NEGR1: variants seen among roughly 807,000 people sequenced by gnomAD.
The protein encoded by NEGR1 is neuronal growth regulator 1.
A neutral mutation model predicts 40.9 loss-of-function variants in NEGR1; 10 were observed. The ratio of observed to expected loss-of-function variants is 0.24; its 90% CI spans 0.15 to 0.42. NEGR1 has a LOEUF of 0.42. Ranked by LOEUF, NEGR1 falls within the 10% of genes least tolerant of loss-of-function variation. The pLI is 1.00. For synonymous variants in NEGR1, 185 were observed against 166.8 expected (o/e 1.11, Z -0.84); for missense variants, 352 against 438.9 (o/e 0.80, Z 1.77).
chr1:71,540,210 G>T (rs1403037699), intron 6 of NEGR1, among the ~76,000 whole-genome samples: 2 of 151,726 alleles, frequency 1.3e-5, no homozygotes, highest in African/African-American at 2.4e-5. Context: ...AAGAATAAAT[G>T]TCTTAGTTTT....
intron 6 of NEGR1, among the ~76,000 whole-genome samples, chr1:71,491,571 G>A (rs563876424): frequency 1.0e-4 from 12 of 115,816 alleles, no homozygotes; most frequent in African/African-American, 3.5e-4. Flanking sequence ...CCACCTCAGG[G>A]CTTGACTTTT....
At chr1:71,837,820 G>A (rs911742064) in intron 2 of NEGR1, among the ~76,000 whole-genome samples, 3 of 151,976 alleles carry the variant, frequency 2.0e-5, no homozygotes, top group Non-Finnish European at 2.9e-5. Context: ...TCACAATTGG[G>A]TACTCACCTA....
chr1:71,728,725 G>A (rs1016909703), intron 3 of NEGR1, among the ~76,000 whole-genome samples: 3 of 152,062 alleles, frequency 2.0e-5, no homozygotes, highest in Admixed American at 6.6e-5. Flanking sequence ...AGAGTTTTTA[G>A]CACTAAATAA....
chr1:71,929,589 G>A (rs549587450), intron 2 of NEGR1, among the ~76,000 whole-genome samples: 76 of 152,200 alleles, frequency 5.0e-4, no homozygotes, highest in African/African-American at 1.7e-3. Context: ...CTGTAGCTCT[G>A]TAAAATTTTT....
chr1:71,964,191 C>G (rs1456808632), intron 1 of NEGR1, among the ~76,000 whole-genome samples: 1 of 152,142 alleles, frequency 6.6e-6, no homozygotes, highest in African/African-American at 2.4e-5. Context: ...ATCGCCCATG[C>G]CACAGATGCT....
At chr1:71,407,597 C>A in intron 6 of NEGR1, 27 bp from the exon 7 acceptor site, 1 of 1,608,364 alleles carries the variant, frequency 6.2e-7, no homozygotes, top group South Asian at 1.1e-5. Flanking sequence ...AAGATTAAAT[C>A]AAAATCTAAT....
chr1:71,963,893 A>G (rs1646188926), intron 1 of NEGR1, among the ~76,000 whole-genome samples: 1 of 152,154 alleles, frequency 6.6e-6, no homozygotes, highest in Non-Finnish European at 1.5e-5. Flanking sequence ...AATCTGTAAA[A>G]CTATACATTG....
At chr1:71,822,545 A>C (rs1658468682) in intron 2 of NEGR1, among the ~76,000 whole-genome samples, 1 of 151,942 alleles carries the variant, frequency 6.6e-6, no homozygotes, top group Admixed American at 6.6e-5. Context: ...GTTGCTGCTC[A>C]GTGTCCAACT....
intron 1 of NEGR1, among the ~76,000 whole-genome samples, chr1:72,057,135 A>G (rs560905525): frequency 6.6e-6 from 1 of 151,664 alleles, no homozygotes; most frequent in East Asian, 1.9e-4. Context: ...GGCATTATTG[A>G]TGGTTCACAA....
At chr1:71,468,855 T>C (rs1646764086) in intron 6 of NEGR1, 1 of 152,060 alleles carries the variant, frequency 6.6e-6, no homozygotes, top group East Asian at 1.9e-4. Context: ...TTCAGCTATT[T>C]TCTCTTAAGA....
intron 1 of NEGR1, among the ~76,000 whole-genome samples, chr1:71,953,037 T>C (rs1478752831): frequency 2.6e-5 from 4 of 151,784 alleles, no homozygotes; most frequent in Admixed American, 6.6e-5. Context: ...AGAGCTCTTA[T>C]GGAGAATGTA....
chr1:71,633,951 A>C (rs1021638558), intron 4 of NEGR1, among the ~76,000 whole-genome samples: 1 of 152,088 alleles, frequency 6.6e-6, no homozygotes, highest in African/African-American at 2.4e-5. Context: ...TGGACCAAAA[A>C]CCTTGAGACT....
At chr1:71,835,519 A>AT (rs1409387341) in intron 2 of NEGR1, among the ~76,000 whole-genome samples, 1 of 151,966 alleles carries the variant, frequency 6.6e-6, no homozygotes, top group Non-Finnish European at 1.5e-5. Flanking sequence ...TCTCACCTTC[A>AT]TTTTTTGTTT....
chr1:71,809,491 A>G (rs1486368116), intron 2 of NEGR1, among the ~76,000 whole-genome samples: 1 of 152,188 alleles, frequency 6.6e-6, no homozygotes, highest in Admixed American at 6.5e-5. Flanking sequence ...TTGGGGTAAT[A>G]AAAGTAAACC....
intron 4 of NEGR1, among the ~76,000 whole-genome samples, chr1:71,686,101 A>G (rs1333322118): frequency 6.6e-6 from 1 of 152,146 alleles, no homozygotes; most frequent in East Asian, 1.9e-4. Flanking sequence ...TACTTCATAT[A>G]GGAGGAAAGA....
At chr1:71,680,785 T>G (rs1652814041) in intron 4 of NEGR1, among the ~76,000 whole-genome samples, 1 of 152,214 alleles carries the variant, frequency 6.6e-6, no homozygotes, top group African/African-American at 2.4e-5. Context: ...TAGTTAATAT[T>G]TATTAAAGTT....
chr1:71,444,777 C>T (rs936143825), intron 6 of NEGR1, among the ~76,000 whole-genome samples: 7 of 152,022 alleles, frequency 4.6e-5, no homozygotes, highest in Non-Finnish European at 1.0e-4. Flanking sequence ...CAATATATTT[C>T]CATCAACAAG....
Position 71,651,793 on chromosome 1 carries a change from A to T in NEGR1, c.668-40647T>A, listed in dbSNP as rs567203886. Reference sequence around the variant, plus strand: ...AAGCAGCAGCTAATATCAACTAAACACTTACTAGGTGCCAAGTACCTCACT... The same window carrying T: ...AAGCAGCAGCTAATATCAACTAAACTCTTACTAGGTGCCAAGTACCTCACT... On this transcript the variant is annotated intron_variant, in intron 4 of 6. Coordinates refer to ENST00000357731, the MANE Select transcript of NEGR1 (RefSeq NM_173808.3). 3.4e-4 allele frequency among the ~76,000 whole-genome samples: 52 copies of T among 152,168 alleles called. 1 individual carries two copies. The highest frequency in any genetic ancestry group is 1.5e-3 in the South Asian group (7 of 4,818).
At chr1:72,141,444 C>T (rs1219461342) in intron 1 of NEGR1, among the ~76,000 whole-genome samples, 1 of 151,910 alleles carries the variant, frequency 6.6e-6, no homozygotes, top group Admixed American at 6.6e-5. Flanking sequence ...AACATCCAAC[C>T]TTATAGTGTA....
Sources: gnomAD v4.1 joint callset for allele counts (sites outside exome capture counted in the v4.1 genomes callset) on GRCh38, gnomAD v4.1.1 for gene constraint, MANE v1.5 for transcripts, NCBI Gene and HGNC (gene_info 2026-07-23, HGNC 2026-07-21) for gene names.